The following NR3C2 variants were observed in gnomAD, a reference collection of about 807,000 sequenced individuals.
The protein encoded by NR3C2 is nuclear receptor subfamily 3 group C member 2.
A neutral mutation model predicts 86.4 loss-of-function variants in NR3C2; 15 were observed. That is an observed-to-expected ratio of 0.17 (90% CI 0.12 to 0.27). The LOEUF is 0.27. Ranked by LOEUF, NR3C2 falls within the 10% of genes least tolerant of loss-of-function variation. The probability of loss-of-function intolerance (pLI) is 1.00; values close to 1 mark genes in which losing one functional copy is unlikely to be tolerated. For synonymous variants in NR3C2, 458 were observed against 450.5 expected (o/e 1.02, Z -0.21); for missense variants, 960 against 1,195.6 (o/e 0.80, Z 2.91).
At chr4:148,153,993 C>A (rs1054694137) in intron 5 of NR3C2, among the ~76,000 whole-genome samples, 13 of 151,166 alleles carry the variant, frequency 8.6e-5, no homozygotes, top group Admixed American at 5.3e-4. Context: ...AAGTGTATGT[C>A]ATTTTTTTTA....
intron 2 of NR3C2, among the ~76,000 whole-genome samples, chr4:148,333,103 T>G (rs1744308769): frequency 6.6e-6 from 1 of 150,696 alleles, no homozygotes; most frequent in African/African-American, 2.4e-5. Flanking sequence ...CCCTTTCTAC[T>G]AAAAAAAGAA....
At chr4:148,104,460 GA>G (rs1731702210) in intron 8 of NR3C2, among the ~76,000 whole-genome samples, 1 of 147,692 alleles carries the variant, frequency 6.8e-6, no homozygotes. Flanking sequence ...CCTTTACTTA[GA>G]GCCTTCTTAG....
At chr4:148,269,092 C>T (rs2149882186) in intron 2 of NR3C2, among the ~76,000 whole-genome samples, 1 of 152,196 alleles carries the variant, frequency 6.6e-6, no homozygotes, top group East Asian at 1.9e-4. Context: ...TGAGCCTACC[C>T]AAAAGCTGAA....
chr4:148,405,859 G>A (rs1158454694), intron 2 of NR3C2, among the ~76,000 whole-genome samples: 2 of 152,212 alleles, frequency 1.3e-5, no homozygotes, highest in African/African-American at 4.8e-5. Flanking sequence ...AGTAAGGAGA[G>A]TCAACCAGGC....
chr4:148,297,672 TTCTTA>T (rs1178532300), intron 2 of NR3C2, among the ~76,000 whole-genome samples: 1 of 152,190 alleles, frequency 6.6e-6, no homozygotes, highest in Non-Finnish European at 1.5e-5. Context: ...GAGTTTTCTT[TTCTTA>T]TTATATCAGT....
intron 8 of NR3C2, among the ~76,000 whole-genome samples, chr4:148,095,704 C>A (rs1408233478): frequency 6.6e-6 from 1 of 152,206 alleles, no homozygotes; most frequent in African/African-American, 2.4e-5. Context: ...TCCCATGCAG[C>A]CTCCCAGGGC....
intron 8 of NR3C2, among the ~76,000 whole-genome samples, chr4:148,092,081 C>G (rs2149710287): frequency 6.6e-6 from 1 of 152,326 alleles, no homozygotes; most frequent in Non-Finnish European, 1.5e-5. Context: ...CAGCAATTTC[C>G]TCAGACACTC....
chr4:148,254,512 A>G (rs1009223759), intron 3 of NR3C2, among the ~76,000 whole-genome samples: 7 of 152,176 alleles, frequency 4.6e-5, no homozygotes, highest in Non-Finnish European at 8.8e-5. Context: ...TCATGGCTCT[A>G]TGTGTTCCCA....
chr4:148,367,239 C>T (rs1035300434), intron 2 of NR3C2, among the ~76,000 whole-genome samples: 1 of 152,090 alleles, frequency 6.6e-6, no homozygotes, highest in Non-Finnish European at 1.5e-5. Context: ...TCAAAAGCTG[C>T]CCCAAAATTA....
At chr4:148,428,011 G>C (rs994699794) in intron 2 of NR3C2, among the ~76,000 whole-genome samples, 1 of 152,176 alleles carries the variant, frequency 6.6e-6, no homozygotes, top group African/African-American at 2.4e-5. Context: ...CAGTTTCAAA[G>C]TACCTTCCAC....
At chr4:148,146,148 G>A (rs549280012) in intron 6 of NR3C2, among the ~76,000 whole-genome samples, 11 of 152,236 alleles carry the variant, frequency 7.2e-5, no homozygotes, top group African/African-American at 2.4e-4. Flanking sequence ...GAGCTGACCA[G>A]GTTCATCCTA....
At chr4:148,162,552 C>A (rs1311358326) in intron 4 of NR3C2, among the ~76,000 whole-genome samples, 1 of 152,116 alleles carries the variant, frequency 6.6e-6, no homozygotes, top group Non-Finnish European at 1.5e-5. Flanking sequence ...CTCAGAACAT[C>A]AGAGATTTAA....
Position 148,436,216 on chromosome 4 carries a change from G to A in NR3C2, c.645C>T (p.Ser215=). 6.2e-7 allele frequency: 1 copy of A among 1,614,210 alleles called. No individual in the cohort carries two copies. Among genetic ancestry groups the A allele is most frequent in the South Asian group, 1.1e-5 (1 of 91,086 alleles). ...GAAAACTGCCAAAGCTGGCTGTGGT[G>A]GAGGACACAGAGTTGATTCCAGCAG... ...CSPAGINSVS[S]TTASFGSFPV... is the part of the protein sequence containing the mutation. The change falls in exon 2 of 9, where the codon TCC becomes TCT. Residue 215 remains serine (S), a synonymous_variant. Transcript: ENST00000358102.
chr4:148,325,322 A>G (rs1743908159), intron 2 of NR3C2, among the ~76,000 whole-genome samples: 1 of 152,206 alleles, frequency 6.6e-6, no homozygotes, highest in African/African-American at 2.4e-5. Context: ...ATTACAATTC[A>G]CCAAAATTAC....
rs1166150137 is a variant in NR3C2 at position 148,179,323 on chromosome 4, A to C, written c.2014+15423T>G. ...AATGACAAGATTTCCTATGCCCAAA[A>C]AGTCTGAAATGCTAAGCTCTCAGGC... On this transcript the variant is annotated intron_variant, in intron 4 of 8. Transcript: ENST00000358102. 3.3e-5 allele frequency among the ~76,000 whole-genome samples: 5 copies of C among 151,620 alleles called. 1 individual carries two copies. The highest frequency in any genetic ancestry group is 1.2e-4 in the African/African-American group (5 of 41,408).
At chr4:148,124,303 T>C (rs957415645) in intron 6 of NR3C2, among the ~76,000 whole-genome samples, 6 of 152,322 alleles carry the variant, frequency 3.9e-5, no homozygotes, top group Middle Eastern at 3.4e-3. Flanking sequence ...TCAATTTGTC[T>C]GAAAATGTCT....
chr4:148,433,999 G>A (rs1749919442), intron 2 of NR3C2, among the ~76,000 whole-genome samples: 1 of 152,036 alleles, frequency 6.6e-6, no homozygotes, highest in Admixed American at 6.5e-5. Context: ...ACAATAAGAA[G>A]AATACATAAA....
At chr4:148,384,983 T>A (rs1579234764) in intron 2 of NR3C2, among the ~76,000 whole-genome samples, 1 of 152,198 alleles carries the variant, frequency 6.6e-6, no homozygotes, top group Non-Finnish European at 1.5e-5. Context: ...AGAAAGTATG[T>A]CCTAGATCTT....
intron 2 of NR3C2, among the ~76,000 whole-genome samples, chr4:148,264,182 T>C (rs1444897894): frequency 1.3e-5 from 2 of 152,226 alleles, no homozygotes; most frequent in Non-Finnish European, 2.9e-5. Flanking sequence ...CTCAGCCAGC[T>C]GTCTTGCAAA....
Sources: allele counts gnomAD v4.1 joint callset (sites outside exome capture counted in the v4.1 genomes callset), GRCh38; gene constraint gnomAD v4.1.1; transcripts MANE v1.5; gene names NCBI Gene and HGNC (gene_info 2026-07-23, HGNC 2026-07-21).